The following RGS6 variants were observed in gnomAD, a reference collection of about 807,000 sequenced individuals.
The protein encoded by RGS6 is regulator of G-protein signaling 6.
In RGS6, 30 loss-of-function variants were observed where a neutral mutation model predicts 78.5. That is an observed-to-expected ratio of 0.38 (90% confidence interval 0.29 to 0.52). The LOEUF (loss-of-function observed/expected upper bound fraction) is 0.52. RGS6 is among the 20% of genes least tolerant of loss of function. The pLI is 0.85. For synonymous variants in RGS6, 206 were observed against 206.0 expected (o/e 1.00, Z 0.00); for missense variants, 495 against 609.7 (o/e 0.81, Z 1.98).
chr14:72,475,798 C>T (rs2096226076), intron 10 of RGS6, among the ~76,000 whole-genome samples: 1 of 134,558 alleles, frequency 7.4e-6, no homozygotes, highest in Non-Finnish European at 1.6e-5. Flanking sequence ...CCAATTAGCT[C>T]TCTCTCATGT....
At chr14:72,450,894 G>A (rs1487085811) in intron 3 of RGS6, among the ~76,000 whole-genome samples, 10 of 152,230 alleles carry the variant, frequency 6.6e-5, no homozygotes, top group Admixed American at 6.5e-4. Flanking sequence ...CGTAATCACT[G>A]TAAATGTTTT....
At chr14:72,112,046 G>A (rs576790458) in intron 2 of RGS6, among the ~76,000 whole-genome samples, 5 of 152,296 alleles carry the variant, frequency 3.3e-5, no homozygotes, top group South Asian at 2.1e-4. Flanking sequence ...ATTGGCATGC[G>A]GAGCTCTGGG....
At chr14:72,123,368 T>A (rs2096106201) in intron 2 of RGS6, among the ~76,000 whole-genome samples, 3 of 152,236 alleles carry the variant, frequency 2.0e-5, no homozygotes, top group Non-Finnish European at 4.4e-5. Context: ...AGGCAAGATT[T>A]GATGAAGTTG....
chr14:72,536,984 A>G (rs2097259331), intron 16 of RGS6, among the ~76,000 whole-genome samples: 1 of 152,154 alleles, frequency 6.6e-6, no homozygotes, highest in South Asian at 2.1e-4. Context: ...AGAAGCAGGA[A>G]TAAATTCAGC....
chr14:72,578,828 A>G, the RGS6 span, among the ~76,000 whole-genome samples: 1 of 152,238 alleles, frequency 6.6e-6, no homozygotes, highest in East Asian at 1.9e-4. Context: ...CATTTGTCAA[A>G]TGGACACTGA....
At chr14:72,392,154 T>A (rs1212607035) in intron 3 of RGS6, among the ~76,000 whole-genome samples, 2 of 151,770 alleles carry the variant, frequency 1.3e-5, no homozygotes, top group African/African-American at 4.9e-5. Flanking sequence ...CAGAGGAGAC[T>A]TTGACAAATA....
intron 2 of RGS6, among the ~76,000 whole-genome samples, chr14:71,976,072 TTA>T (rs1457337305): frequency 2.6e-5 from 4 of 151,926 alleles, no homozygotes; most frequent in Non-Finnish European, 2.9e-5. Context: ...AATTTTCTTT[TTA>T]TAGTTTCTAG....
chr14:72,572,122 C>T, the RGS6 span, among the ~76,000 whole-genome samples: 1 of 152,150 alleles, frequency 6.6e-6, no homozygotes, highest in Non-Finnish European at 1.5e-5. Context: ...TTCACAACCA[C>T]TGGGATGGCT....
chr14:72,318,639 T>G (rs150066490), intron 2 of RGS6, among the ~76,000 whole-genome samples: 4 of 152,082 alleles, frequency 2.6e-5, no homozygotes, highest in African/African-American at 9.7e-5. Context: ...ATCACTATGA[T>G]CAGGTTATAG....
chr14:71,958,318 GACAA>G (rs1352365518), intron 1 of RGS6, among the ~76,000 whole-genome samples: 1 of 152,186 alleles, frequency 6.6e-6, no homozygotes, highest in African/African-American at 2.4e-5. Flanking sequence ...TTGCTTGGCT[GACAA>G]ACTGTGTTAC....
chr14:72,092,945 T>C (rs1487321253), intron 2 of RGS6, among the ~76,000 whole-genome samples: 1 of 152,200 alleles, frequency 6.6e-6, no homozygotes, highest in Non-Finnish European at 1.5e-5. Flanking sequence ...CATACCATAT[T>C]ACTTATAGTT....
intron 2 of RGS6, among the ~76,000 whole-genome samples, chr14:72,094,799 T>G (rs1383967074): frequency 5.3e-5 from 8 of 152,206 alleles, no homozygotes. Flanking sequence ...AATGGGGTTT[T>G]GTGGGTGATT....
Position 72,454,571 on chromosome 14 carries a change from G to C in RGS6, c.228G>C (p.Glu76Asp). 2 of 1,613,918 alleles carry C rather than the reference G, an allele frequency of 1.2e-6. No homozygotes were observed. The highest frequency in any genetic ancestry group is 1.7e-6 in the Non-Finnish European group (2 of 1,179,870). Residue 76 changes from glutamate to aspartate, a missense_variant, in exon 4 of 18, where the codon GAG (glutamate) becomes GAC (aspartate). By Grantham distance (45) the Glu-to-Asp change is conservative. Transcript: ENST00000553525. ...VQWLMKNLSIEDPVEAIHLGS... is the reference protein window; with the variant it reads ...VQWLMKNLSIDDPVEAIHLGS... ...GGCTTATGAAGAACCTTTCCATTGA[G>C]GACCCAGGTACTTGACCTTTGACCC... is the stretch of plus-strand genomic sequence containing the variant.
At chr14:72,039,904 T>C (rs1031070894) in intron 2 of RGS6, among the ~76,000 whole-genome samples, 6 of 150,824 alleles carry the variant, frequency 4.0e-5, no homozygotes, top group African/African-American at 1.2e-4. Context: ...GCGGTTGCTA[T>C]GGAGATTACA....
chr14:71,877,718 T>C, the RGS6 span, among the ~76,000 whole-genome samples: 2 of 152,380 alleles, frequency 1.3e-5, no homozygotes, highest in African/African-American at 4.8e-5. Flanking sequence ...CTTTGTTCCA[T>C]TGCTGGCAAG....
rs542427524 is a variant in RGS6 at position 72,556,602 on chromosome 14, G to C, written c.1423-5815G>C. ...CTGCTGGGTACCTCCTCCATCCCCAGTGTTTACCAGGCAGAGCCTGAGTGT... is the reference window on the plus strand; with the variant it reads ...CTGCTGGGTACCTCCTCCATCCCCACTGTTTACCAGGCAGAGCCTGAGTGT... On this transcript the variant is annotated intron_variant, in intron 17 of 17. Transcript: ENST00000553525. Among the ~76,000 whole-genome samples the C allele has an allele frequency of 2.9e-3, 384 of 133,276 alleles. 1 individual carries two copies. Among genetic ancestry groups the C allele is most frequent in the African/African-American group, 0.01 (360 of 34,548 alleles). 87.4% of individuals were successfully genotyped at this position (133,276 alleles called of 152,430 possible).
chr14:72,237,211 C>A (rs1167148540), intron 2 of RGS6, among the ~76,000 whole-genome samples: 1 of 152,176 alleles, frequency 6.6e-6, no homozygotes, highest in African/African-American at 2.4e-5. Flanking sequence ...AATCATATTC[C>A]ATTGTGTGAA....
chr14:72,265,570 C>G (rs887661612), intron 2 of RGS6, among the ~76,000 whole-genome samples: 7 of 152,140 alleles, frequency 4.6e-5, no homozygotes, highest in Middle Eastern at 3.2e-3. Context: ...GCAACCACCC[C>G]CTTCCCATTA....
At chr14:72,552,878 T>A (rs545569838) in intron 17 of RGS6, 5 of 152,176 alleles carry the variant, frequency 3.3e-5, no homozygotes, top group Admixed American at 1.3e-4. Context: ...TTTTTATATA[T>A]GTATTTTAAG....
Sources: allele counts gnomAD v4.1 joint callset (sites outside exome capture counted in the v4.1 genomes callset), GRCh38; gene constraint gnomAD v4.1.1; transcripts MANE v1.5; gene names NCBI Gene and HGNC (gene_info 2026-07-23, HGNC 2026-07-21).